Variants in LUC7L observed in about 807,000 individuals in gnomAD.
LUC7L encodes LUC7 like.
Under a neutral mutation model 51.1 loss-of-function variants are expected in LUC7L, and 29 were observed. The ratio of observed to expected loss-of-function variants is 0.57; its 90% confidence interval spans 0.42 to 0.77. LUC7L has a LOEUF of 0.77. Ranked by LOEUF, LUC7L falls within the 30% of genes least tolerant of loss-of-function variation. The pLI, the probability that LUC7L is intolerant of heterozygous loss-of-function variation, is 0.00. For synonymous variants in LUC7L, 181 were observed against 180.7 expected, an observed-to-expected ratio of 1.00 and a Z score of -0.01; for missense variants, 403 against 511.9, an observed-to-expected ratio of 0.79 and a Z score of 2.05.
At chr16:229,010 A>G in intron 1 of LUC7L, 1 of 1,441,268 alleles carries the variant, frequency 6.9e-7, no homozygotes, top group Non-Finnish European at 9.1e-7. Flanking sequence ...CCCGCCGGGG[A>G]GGAAGTAGCA....
In LUC7L at chr16:206,065, T is replaced by A; in HGVS notation, c.449A>T (p.Asp150Val). The change falls in exon 5 of 10, where the codon GAT (aspartate) becomes GTT (valine). Residue 150 changes from aspartate (D) to valine (V), a missense_variant. By Grantham distance (152) the Asp-to-Val change is radical. Coordinates refer to ENST00000293872, the MANE Select transcript of LUC7L (RefSeq NM_201412.3). ...AEQLGAEGNV[D>V]ESQKILMEVE... ...TTCCATAAGAATCTTCTGGGATTCA[T>A]CCACATTACCTTCAGCCCCTAGCTG... The A allele has an allele frequency of 1.2e-6, 2 of 1,613,866 alleles. No individual in the cohort carries two copies. Among genetic ancestry groups the A allele is most frequent in the Non-Finnish European group, 1.7e-6 (2 of 1,179,952 alleles).
chr16:229,267 G>A lies in LUC7L; in HGVS notation c.61+12C>T, dbSNP rs1280148437. ...ACCCCAGACCCTCGCCTGGTTGGCC[G>A]CTCTGACTCACCGTCCCGAGCCGTG... On this transcript the variant is annotated intron_variant, in intron 1 of 9. Transcript: ENST00000293872. 6.5e-7 allele frequency: 1 copy of A among 1,533,810 alleles called. No individual in the cohort carries two copies. Among genetic ancestry groups the A allele is most frequent in the African/African-American group, 1.4e-5 (1 of 71,488 alleles).
intron 5 of LUC7L, among the ~76,000 whole-genome samples, chr16:205,523 G>A (rs1023959929): frequency 6.6e-6 from 1 of 152,098 alleles, no homozygotes; most frequent in African/African-American, 2.4e-5. Context: ...CTGAGGAGAG[G>A]GTACATGGAG....
intron 7 of LUC7L, among the ~76,000 whole-genome samples, chr16:190,977 C>G (rs542423405): frequency 6.6e-6 from 1 of 152,294 alleles, no homozygotes; most frequent in South Asian, 2.1e-4. Context: ...GGCACCTCCC[C>G]CAAAGACCTG....
intron 5 of LUC7L, 37 bp from the exon 6 acceptor site, chr16:199,275 A>G: frequency 7.3e-7 from 1 of 1,367,642 alleles, no homozygotes; most frequent in Non-Finnish European, 1.0e-6. Flanking sequence ...AGTGAGGTAT[A>G]TAGAACTGCC....
chr16:229,401 G>A lies in LUC7L; in HGVS notation c.-62C>T. On this transcript the variant is annotated 5_prime_UTR_variant, in exon 1 of 10. Transcript: ENST00000293872. ...CTTCTCTCAGGCAGGCGGTGGCAGCGGCGTCGACAAACGATGGTCGCGTCG... is the reference window on the plus strand; with the variant it reads ...CTTCTCTCAGGCAGGCGGTGGCAGCAGCGTCGACAAACGATGGTCGCGTCG... 9.4e-6 allele frequency: 13 copies of A among 1,389,344 alleles called. No individual in the cohort carries two copies. Among genetic ancestry groups the A allele is most frequent in the African/African-American group, 1.5e-5 (1 of 66,532 alleles). The allele number at this position is 1,389,344 out of a possible 1,614,324, so 86.1% of individuals were successfully genotyped here.
At chr16:229,016 T>C (rs2050200436) in intron 1 of LUC7L, 1 of 1,452,684 alleles carries the variant, frequency 6.9e-7, no homozygotes, top group Non-Finnish European at 9.1e-7. Flanking sequence ...GGGGAGGAAG[T>C]AGCAGGACGG....
intron 5 of LUC7L, among the ~76,000 whole-genome samples, chr16:199,540 G>A (rs1286734456): frequency 6.6e-6 from 1 of 151,746 alleles, no homozygotes; most frequent in Non-Finnish European, 1.5e-5. Flanking sequence ...GGGAGGCTGA[G>A]GCTGGCGGAT....
intron 2 of LUC7L, among the ~76,000 whole-genome samples, chr16:225,306 T>A (rs375902082): frequency 6.6e-6 from 1 of 151,690 alleles, no homozygotes; most frequent in East Asian, 2.0e-4. Context: ...GTCAACATGG[T>A]GAAACCCCGT....
At chr16:198,278 C>CAAAA (rs35125597) in intron 6 of LUC7L, among the ~76,000 whole-genome samples, 6 of 49,248 alleles carry the variant, frequency 1.2e-4, no homozygotes, top group Admixed American at 3.7e-4. Context: ...GACTCCATCT[C>CAAAA]AAAAAAAAAA....
At chr16:208,523 G>A (rs2142078510) in intron 3 of LUC7L, 1 of 660,030 alleles carries the variant, frequency 1.5e-6, no homozygotes, top group Non-Finnish European at 2.0e-6. Flanking sequence ...TTCTCGGAGG[G>A]ACAGAAAAGG....
At chr16:217,947 G>A (rs2049853572) in intron 3 of LUC7L, among the ~76,000 whole-genome samples, 1 of 149,408 alleles carries the variant, frequency 6.7e-6, no homozygotes, top group South Asian at 2.1e-4. Context: ...GCTGAGGCAT[G>A]AGAAGAGAAG....
At chr16:214,044 G>A (rs1015438130) in intron 3 of LUC7L, among the ~76,000 whole-genome samples, 17 of 151,342 alleles carry the variant, frequency 1.1e-4, no homozygotes, top group Non-Finnish European at 2.5e-4. Context: ...TTTATATTTT[G>A]TGTCTTTGTT....
At chr16:218,665 G>C (rs1257220554) in intron 3 of LUC7L, among the ~76,000 whole-genome samples, 1 of 151,984 alleles carries the variant, frequency 6.6e-6, no homozygotes, top group African/African-American at 2.4e-5. Flanking sequence ...AGGTTGCAAT[G>C]AGCCAAGATT....
At chr16:212,120 C>T (rs1382534187) in intron 3 of LUC7L, among the ~76,000 whole-genome samples, 1 of 152,070 alleles carries the variant, frequency 6.6e-6, no homozygotes, top group Non-Finnish European at 1.5e-5. Context: ...AAGGAGAAAC[C>T]CCATCTCTAC....
At chr16:222,947 C>CT (rs1290638844) in intron 2 of LUC7L, among the ~76,000 whole-genome samples, 31 of 120,300 alleles carry the variant, frequency 2.6e-4, no homozygotes, top group African/African-American at 9.5e-4. Context: ...GAGACCCCGT[C>CT]TTTTAAAAAA....
intron 1 of LUC7L, chr16:228,979 G>A (rs750673454): frequency 1.2e-4 from 172 of 1,432,840 alleles, no homozygotes; most frequent in Non-Finnish European, 1.5e-4. Flanking sequence ...ACAGTTCGCG[G>A]AGGGGCACGG....
At position 227,223 on chromosome 16, in the gene LUC7L, T is replaced by C; in HGVS notation, c.156+19A>G. 1 of 1,603,682 alleles carries C rather than the reference T, an allele frequency of 6.2e-7. No individual in the cohort carries two copies. The highest frequency in any genetic ancestry group is 8.5e-7 in the Non-Finnish European group (1 of 1,171,996). ...ACTCATGTCAGAGTGTTCCATGAGG[T>C]CCCCCAAAATGCACCTACCGTCCCA... On this transcript the variant is annotated intron_variant, in intron 2 of 9. Transcript: ENST00000293872.
intron 3 of LUC7L, among the ~76,000 whole-genome samples, chr16:218,507 G>A (rs2049873109): frequency 6.6e-6 from 1 of 152,124 alleles, no homozygotes; most frequent in Admixed American, 6.5e-5. Context: ...GATCACCTGA[G>A]GTCAAGAGTT....
Sources: gnomAD v4.1 joint callset for allele counts (sites outside exome capture counted in the v4.1 genomes callset) on GRCh38, gnomAD v4.1.1 for gene constraint, MANE v1.5 for transcripts, NCBI Gene and HGNC (gene_info 2026-07-23, HGNC 2026-07-21) for gene names.